The following BORCS6 variants were observed in gnomAD, a reference collection of about 807,000 sequenced individuals.
The protein encoded by BORCS6 is BLOC-1 related complex subunit 6.
Under a neutral mutation model 17.0 loss-of-function variants are expected in BORCS6, and 12 were observed. The observed-to-expected ratio is 0.71, with a 90% CI of 0.45 to 1.15. The LOEUF (loss-of-function observed/expected upper bound fraction) is 1.15. Ranked by LOEUF, BORCS6 falls within the 50% of genes most tolerant of loss-of-function variation. The probability of loss-of-function intolerance (pLI) is 0.00; values close to 1 mark genes in which losing one functional copy is unlikely to be tolerated. For synonymous variants in BORCS6, 262 were observed against 241.7 expected (o/e 1.08, Z -0.78); for missense variants, 513 against 515.0 (o/e 1.00, Z 0.04).
In BORCS6 at chr17:8,189,401, G is replaced by C; in HGVS notation, c.740C>G (p.Pro247Arg). Reference sequence around the variant, plus strand: ...TGGGGGAATGGCCGGTGTGGGTGTGGGTGCAGGCGCTGGGCAGGGCCGCGC... The same window carrying C: ...TGGGGGAATGGCCGGTGTGGGTGTGCGTGCAGGCGCTGGGCAGGGCCGCGC... ...APARPCPAPA[P>R]TPTPAIPPID... is the part of the protein sequence containing the mutation. Residue 247 changes from proline to arginine, a missense_variant, in exon 1 of 1, where the codon CCC (proline) becomes CGC (arginine). Coordinates refer to ENST00000389017, the MANE Select transcript of BORCS6 (RefSeq NM_017622.3). This position sits in a 1 kb window ranked among gnomAD's most constrained non-coding sequence, Gnocchi z 7.8. 4 of 1,587,754 alleles carry C rather than the reference G, an allele frequency of 2.5e-6. No individual in the cohort carries two copies. The highest frequency in any genetic ancestry group is 3.4e-6 in the Non-Finnish European group (4 of 1,167,102).
At position 8,189,416 on chromosome 17, in the gene BORCS6, C is replaced by T. The variant is rs1418207779; in HGVS notation, c.725G>A (p.Cys242Tyr). ...TGTGGGTGTGGGTGCAGGCGCTGGG[C>T]AGGGCCGCGCAGGGGCAGAAGGCGG... is the stretch of plus-strand genomic sequence containing the variant. ...PPPPSAPARPCPAPAPTPTPA... is the reference protein window; with the variant it reads ...PPPPSAPARPYPAPAPTPTPA... The change falls in exon 1 of 1, where the codon TGC (cysteine) becomes TAC (tyrosine). Residue 242 changes from cysteine to tyrosine, a missense_variant. Physicochemically the swap from Cys to Tyr is radical, Grantham distance 194 (BLOSUM62 -2). Coordinates refer to ENST00000389017, the MANE Select transcript of BORCS6 (RefSeq NM_017622.3). This position sits in a 1 kb window ranked among gnomAD's most constrained non-coding sequence, Gnocchi z 7.8. The T allele has an allele frequency of 4.5e-6, 7 of 1,570,610 alleles. No individual in the cohort carries two copies. The highest frequency in any genetic ancestry group is 6.0e-6 in the Non-Finnish European group (7 of 1,158,440).
chr17:8,188,621 A>G lies in BORCS6; in HGVS notation c.*446T>C. 1 of 207,872 alleles carries G rather than the reference A, an allele frequency of 4.8e-6. No individual in the cohort carries two copies. Among genetic ancestry groups the G allele is most frequent in the Non-Finnish European group, 9.8e-6 (1 of 101,786 alleles). The allele number at this position is 207,872 out of a possible 1,614,324, so 12.9% of individuals were successfully genotyped here. ...TTGCCTGCGGGGTGTTTGGCCAAGGACGGCACAAGCTCCCACAGCCCCTGG... is the reference window on the plus strand; with the variant it reads ...TTGCCTGCGGGGTGTTTGGCCAAGGGCGGCACAAGCTCCCACAGCCCCTGG... On this transcript the variant is annotated 3_prime_UTR_variant, in exon 1 of 1. Transcript: ENST00000389017.
Position 8,188,623 on chromosome 17 carries a change from G to C in BORCS6, c.*444C>G. 1 of 207,210 alleles carries C rather than the reference G, an allele frequency of 4.8e-6. No homozygotes were observed. Among genetic ancestry groups the C allele is most frequent in the South Asian group, 6.6e-5 (1 of 15,038 alleles). 12.8% of individuals were successfully genotyped at this position (207,210 alleles called of 1,614,324 possible). A position where few individuals can be genotyped will look rare whatever the true frequency, so the allele number is the denominator to read the frequency against. On this transcript the variant is annotated 3_prime_UTR_variant, in exon 1 of 1. Transcript: ENST00000389017. Reference sequence around the variant, plus strand: ...GCCTGCGGGGTGTTTGGCCAAGGACGGCACAAGCTCCCACAGCCCCTGGCA... The same window carrying C: ...GCCTGCGGGGTGTTTGGCCAAGGACCGCACAAGCTCCCACAGCCCCTGGCA...
Position 8,190,095 on chromosome 17 carries a change from C to A in BORCS6, c.46G>T (p.Ala16Ser). The change falls in exon 1 of 1, where the codon GCT (alanine) becomes TCT (serine). Residue 16 changes from alanine (A) to serine (S), a missense_variant. Coordinates refer to ENST00000389017, the MANE Select transcript of BORCS6 (RefSeq NM_017622.3). ...GRPGPETDLL[A>S]VAEHQALVFG... ...ACTAGGGCCTGATGTTCCGCTACAG[C>A]CAGAAGGTCCGTCTCGGGCCCGGGC... 5 of 1,550,260 alleles carry A rather than the reference C, an allele frequency of 3.2e-6. No homozygotes were observed. The highest frequency in any genetic ancestry group is 4.4e-6 in the Non-Finnish European group (5 of 1,146,840).
rs926230894 is a variant in BORCS6, at chr17:8,189,016, G to T, written c.*51C>A. On this transcript the variant is annotated 3_prime_UTR_variant, in exon 1 of 1. Coordinates refer to ENST00000389017, the MANE Select transcript of BORCS6 (RefSeq NM_017622.3). This position sits in a 1 kb window ranked among gnomAD's most constrained non-coding sequence, Gnocchi z 7.8. ...CCAGGACTCCCTGAAGAGTCCTTAG[G>T]GTCCTGCTGGGCCCTGCCCTGGCCA... The T allele has an allele frequency of 1.2e-6, 2 of 1,611,238 alleles. No individual in the cohort carries two copies. Among genetic ancestry groups the T allele is most frequent in the South Asian group, 1.1e-5 (1 of 90,656 alleles).
Position 8,188,627 on chromosome 17 carries a change from C to T in BORCS6, c.*440G>A. 4.6e-6 allele frequency: 1 copy of T among 217,614 alleles called. No homozygotes were observed. Among genetic ancestry groups the T allele is most frequent in the Non-Finnish European group, 9.3e-6 (1 of 107,552 alleles). 13.5% of individuals were successfully genotyped at this position (217,614 alleles called of 1,614,324 possible). A position where few individuals can be genotyped will look rare whatever the true frequency, so the allele number is the denominator to read the frequency against. ...GCGGGGTGTTTGGCCAAGGACGGCA[C>T]AAGCTCCCACAGCCCCTGGCACCTG... On this transcript the variant is annotated 3_prime_UTR_variant, in exon 1 of 1. Coordinates refer to ENST00000389017, the MANE Select transcript of BORCS6 (RefSeq NM_017622.3).
rs1567561444 is a variant in BORCS6, at chr17:8,189,627, G to T, written c.514C>A (p.Leu172Met). Residue 172 changes from leucine (L) to methionine (M), a missense_variant, in exon 1 of 1, where the codon CTG becomes ATG. By Grantham distance (15) the Leu-to-Met change is conservative (BLOSUM62 2). Coordinates refer to ENST00000389017, the MANE Select transcript of BORCS6 (RefSeq NM_017622.3). This position sits in a 1 kb window ranked among gnomAD's most constrained non-coding sequence, Gnocchi z 7.8. ...RLQDSRSLDGLSEACGGAGSS... is the reference protein window; with the variant it reads ...RLQDSRSLDGMSEACGGAGSS... The stretch of plus-strand genomic sequence containing the variant: ...CCGGCGCCACCGCACGCCTCGCTCA[G>T]CCCGTCCAGGCTGCGGCTGTCCTGA... 1 of 1,598,778 alleles carries T rather than the reference G, an allele frequency of 6.3e-7. No individual in the cohort carries two copies. Among genetic ancestry groups the T allele is most frequent in the East Asian group, 2.2e-5 (1 of 44,634 alleles).
At position 8,190,097 on chromosome 17, in the gene BORCS6, A is replaced by G; in HGVS notation, c.44T>C (p.Leu15Pro). 1 of 1,550,226 alleles carries G rather than the reference A, an allele frequency of 6.5e-7. No individual in the cohort carries two copies. Among genetic ancestry groups the G allele is most frequent in the Non-Finnish European group, 8.7e-7 (1 of 1,146,826 alleles). Residue 15 changes from leucine (L) to proline (P), a missense_variant, in exon 1 of 1, where the codon CTG (leucine) becomes CCG (proline). Leu to Pro is a moderately conservative substitution (Grantham distance 98, BLOSUM62 -3). Coordinates refer to ENST00000389017, the MANE Select transcript of BORCS6 (RefSeq NM_017622.3). ...TAGGGCCTGATGTTCCGCTACAGCC[A>G]GAAGGTCCGTCTCGGGCCCGGGCCG... The part of the protein sequence containing the change: ...RGRPGPETDL[L>P]AVAEHQALVF...
Position 8,189,492 on chromosome 17 carries a change from C to A in BORCS6, c.649G>T (p.Val217Phe). 6.4e-7 allele frequency: 1 copy of A among 1,573,462 alleles called. No homozygotes were observed. The highest frequency in any genetic ancestry group is 2.3e-5 in the East Asian group (1 of 43,146). The change falls in exon 1 of 1, where the codon GTC becomes TTC. Residue 217 changes from valine to phenylalanine, a missense_variant. Transcript: ENST00000389017. The surrounding 1 kb of genome is among the most constrained non-coding windows in gnomAD (Gnocchi z 7.8). ...VSRHGDLTHF[V>F]ANNLQLKIRL... is the part of the protein sequence containing the mutation. ...ATCTTGAGTTGCAGGTTGTTGGCGA[C>A]AAAGTGGGTAAGGTCGCCGTGGCGG...
chr17:8,188,835 A>G lies in BORCS6; in HGVS notation c.*232T>C. The G allele has an allele frequency of 1.6e-6, 1 of 613,810 alleles. No homozygotes were observed. The highest frequency in any genetic ancestry group is 2.0e-5 in the South Asian group (1 of 49,394). The allele number at this position is 613,810 out of a possible 1,614,324, so 38.0% of individuals were successfully genotyped here. ...AGAACAGGGTAGCTACAGATGGCCA[A>G]CTGAATACAAGCAGAGCAACATCCC... On this transcript the variant is annotated 3_prime_UTR_variant, in exon 1 of 1. Coordinates refer to ENST00000389017, the MANE Select transcript of BORCS6 (RefSeq NM_017622.3).
Position 8,189,029 on chromosome 17 carries a change from C to T in BORCS6, c.*38G>A. On this transcript the variant is annotated 3_prime_UTR_variant, in exon 1 of 1. Transcript: ENST00000389017. This position sits in a 1 kb window ranked among gnomAD's most constrained non-coding sequence, Gnocchi z 7.8. ...AAGAGTCCTTAGGGTCCTGCTGGGCCCTGCCCTGGCCAGGACCGGCCTCTC... is the reference window on the plus strand; with the variant it reads ...AAGAGTCCTTAGGGTCCTGCTGGGCTCTGCCCTGGCCAGGACCGGCCTCTC... The T allele has an allele frequency of 6.2e-7, 1 of 1,613,384 alleles. No individual in the cohort carries two copies. Among genetic ancestry groups the T allele is most frequent in the Non-Finnish European group, 8.5e-7 (1 of 1,179,836 alleles).
rs941306931 is a variant in BORCS6, at chr17:8,189,331, C to T, written c.810G>A (p.Glu270=). 1.4e-5 allele frequency: 22 copies of T among 1,612,900 alleles called. No individual in the cohort carries two copies. Among genetic ancestry groups the T allele is most frequent in the Non-Finnish European group, 1.9e-5 (22 of 1,179,600 alleles). ...VLRDLERLSR[E]LGGRVDRLLR... ...GCAGACGGTCCACCCGGCCTCCCAG[C>T]TCCCGACTCAACCGCTCCAGATCCC... The change falls in exon 1 of 1, where the codon GAG becomes GAA. Residue 270 remains glutamate (E), a synonymous_variant. Coordinates refer to ENST00000389017, the MANE Select transcript of BORCS6 (RefSeq NM_017622.3). The surrounding 1 kb of genome is among the most constrained non-coding windows in gnomAD (Gnocchi z 7.8).
Position 8,189,202 on chromosome 17 carries a change from C to T in BORCS6, c.939G>A (p.Met313Ile). 1 of 1,614,154 alleles carries T rather than the reference C, an allele frequency of 6.2e-7. No homozygotes were observed. Among genetic ancestry groups the T allele is most frequent in the South Asian group, 1.1e-5 (1 of 91,082 alleles). ...AVDSLGEAVDMSIKGMYTLLA... is the reference protein window; with the variant it reads ...AVDSLGEAVDISIKGMYTLLA... Reference sequence around the variant, plus strand: ...GCAGGGTGTACATGCCCTTGATGCTCATGTCCACGGCTTCACCTAAGGAGT... The same window carrying T: ...GCAGGGTGTACATGCCCTTGATGCTTATGTCCACGGCTTCACCTAAGGAGT... Residue 313 changes from methionine to isoleucine, a missense_variant, in exon 1 of 1, where the codon ATG becomes ATA. Transcript: ENST00000389017. This position sits in a 1 kb window ranked among gnomAD's most constrained non-coding sequence, Gnocchi z 7.8.
In BORCS6 at chr17:8,189,468, T is replaced by A; in HGVS notation, c.673A>T (p.Ile225Phe). The A allele has an allele frequency of 6.4e-7, 1 of 1,572,520 alleles. No individual in the cohort carries two copies. Among genetic ancestry groups the A allele is most frequent in the Non-Finnish European group, 8.6e-7 (1 of 1,159,396 alleles). ...HFVANNLQLK[I>F]RLSGAPPPPP... Reference sequence around the variant, plus strand: ...GGTGGAGGCGCGCCGCTCAGACGGATCTTGAGTTGCAGGTTGTTGGCGACA... The same window carrying A: ...GGTGGAGGCGCGCCGCTCAGACGGAACTTGAGTTGCAGGTTGTTGGCGACA... The change falls in exon 1 of 1, where the codon ATC (isoleucine) becomes TTC (phenylalanine). Residue 225 changes from isoleucine to phenylalanine, a missense_variant. Coordinates refer to ENST00000389017, the MANE Select transcript of BORCS6 (RefSeq NM_017622.3). The surrounding 1 kb of genome is among the most constrained non-coding windows in gnomAD (Gnocchi z 7.8).
Position 8,189,120 on chromosome 17 carries a change from G to C in BORCS6, c.1021C>G (p.Gln341Glu), listed in dbSNP as rs1298586651. ...ALQPVQGLAR[Q>E]VRDIRRTLEV... ...AGAGTACGTCGGATATCCCGGACTTGGCGCGCCAGCCCCTGAACCGGCTGC... is the reference window on the plus strand; with the variant it reads ...AGAGTACGTCGGATATCCCGGACTTCGCGCGCCAGCCCCTGAACCGGCTGC... The change falls in exon 1 of 1, where the codon CAA becomes GAA. Residue 341 changes from glutamine to glutamate, a missense_variant. Physicochemically the swap from Gln to Glu is conservative, Grantham distance 29. Transcript: ENST00000389017. The surrounding 1 kb of genome is among the most constrained non-coding windows in gnomAD (Gnocchi z 7.8). 1.2e-6 allele frequency: 2 copies of C among 1,614,114 alleles called. No individual in the cohort carries two copies. Among genetic ancestry groups the C allele is most frequent in the Admixed American group, 1.7e-5 (1 of 60,038 alleles).
chr17:8,189,440 G>T lies in BORCS6; in HGVS notation c.701C>A (p.Pro234Gln), dbSNP rs767816577. 1 of 1,567,952 alleles carries T rather than the reference G, an allele frequency of 6.4e-7. No homozygotes were observed. Residue 234 changes from proline (P) to glutamine (Q), a missense_variant, in exon 1 of 1, where the codon CCG becomes CAG. Transcript: ENST00000389017. This position sits in a 1 kb window ranked among gnomAD's most constrained non-coding sequence, Gnocchi z 7.8. ...KIRLSGAPPP[P>Q]PSAPARPCPA... Reference sequence around the variant, plus strand: ...GCAGGGCCGCGCAGGGGCAGAAGGCGGGGGTGGAGGCGCGCCGCTCAGACG... The same window carrying T: ...GCAGGGCCGCGCAGGGGCAGAAGGCTGGGGTGGAGGCGCGCCGCTCAGACG...
Position 8,189,875 on chromosome 17 carries a change from GA to G in BORCS6, c.265del (p.Ser89LeufsTer84). ...ENEPGPQGTL[S>X]GAGSRRGAPG... is the part of the protein sequence containing the mutation. ...CGCCCCCCTGCGGCTCCCGGCCCCA[GA>G]CAGCGTCCCTTGAGGGCCGGGCTCG... On this transcript the variant is annotated frameshift_variant, in exon 1 of 1. Coordinates refer to ENST00000389017, the MANE Select transcript of BORCS6 (RefSeq NM_017622.3). LOFTEE classifies it high-confidence loss of function. The surrounding 1 kb of genome is among the most constrained non-coding windows in gnomAD (Gnocchi z 7.8). The G allele has an allele frequency of 6.5e-7, 1 of 1,547,472 alleles. No homozygotes were observed.
Position 8,189,727 on chromosome 17 carries a change from C to T in BORCS6, c.414G>A (p.Glu138=). 2.5e-6 allele frequency: 4 copies of T among 1,599,518 alleles called. No homozygotes were observed. The highest frequency in any genetic ancestry group is 3.4e-6 in the Non-Finnish European group (4 of 1,179,702). Residue 138 remains glutamate (E), a synonymous_variant, in exon 1 of 1, where the codon GAG becomes GAA. Transcript: ENST00000389017. This position sits in a 1 kb window ranked among gnomAD's most constrained non-coding sequence, Gnocchi z 7.8. Reference sequence around the variant, plus strand: ...CGTCGTTGTCTTCCTCCTCCTGCTGCTCAACATCCATCCCGCCGCCTGGTC... The same window carrying T: ...CGTCGTTGTCTTCCTCCTCCTGCTGTTCAACATCCATCCCGCCGCCTGGTC... ...RGGPGGGMDV[E]QQEEEDNDEE... is the part of the protein sequence containing the mutation.
Position 8,188,829 on chromosome 17 carries a change from T to C in BORCS6, c.*238A>G. 3.3e-6 allele frequency: 2 copies of C among 597,258 alleles called. No individual in the cohort carries two copies. Among genetic ancestry groups the C allele is most frequent in the East Asian group, 2.9e-5 (1 of 34,398 alleles). 37.0% of individuals were successfully genotyped at this position (597,258 alleles called of 1,614,324 possible). On this transcript the variant is annotated 3_prime_UTR_variant, in exon 1 of 1. Transcript: ENST00000389017. ...TTGGGAAGAACAGGGTAGCTACAGA[T>C]GGCCAACTGAATACAAGCAGAGCAA...
Sources: gnomAD v4.1 joint callset for allele counts on GRCh38, gnomAD v4.1.1 for gene constraint, Gnocchi (gnomAD v3.1) non-coding constraint, MANE v1.5 for transcripts, NCBI Gene and HGNC (gene_info 2026-07-23, HGNC 2026-07-21) for gene names.